Variants in PARP1 observed in about 807,000 individuals in gnomAD.
PARP1 encodes poly [ADP-ribose] polymerase 1.
In PARP1, 44 loss-of-function variants were observed where a neutral mutation model predicts 118.7. The ratio of observed to expected loss-of-function variants is 0.37; its 90% confidence interval spans 0.29 to 0.48. The LOEUF (loss-of-function observed/expected upper bound fraction) is 0.48. PARP1 is among the 20% of genes least tolerant of loss of function. The probability of loss-of-function intolerance (pLI) is 0.99; values close to 1 mark genes in which losing one functional copy is unlikely to be tolerated. For missense variants in PARP1, 1,100 were observed against 1,272.4 expected (o/e 0.86, Z 2.06); for synonymous variants, 492 against 483.2 (o/e 1.02, Z -0.24).
At chr1:226,361,720 A>G in intron 22 of PARP1, 179 bp from the exon 23 acceptor site, 2 of 678,596 alleles carry the variant, frequency 2.9e-6, no homozygotes, top group South Asian at 3.2e-5. Flanking sequence ...GCCAGCCTGA[A>G]AGTTACTCTA....
intron 2 of PARP1, among the ~76,000 whole-genome samples, chr1:226,394,151 C>T (rs1426055326): frequency 6.6e-6 from 1 of 152,186 alleles, no homozygotes; most frequent in African/African-American, 2.4e-5. Context: ...GAGTTCAAGA[C>T]CAGCCTGGGC....
chr1:226,407,444 G>A (rs1483578249), intron 1 of PARP1, among the ~76,000 whole-genome samples: 1 of 151,184 alleles, frequency 6.6e-6, no homozygotes, highest in Admixed American at 6.6e-5. Context: ...GAACAAGATA[G>A]GTCAAAATCA....
intron 4 of PARP1, among the ~76,000 whole-genome samples, chr1:226,389,860 G>A (rs1483127803): frequency 6.6e-6 from 1 of 152,118 alleles, no homozygotes. Flanking sequence ...ACCAGCAGAG[G>A]GTAAACTGGA....
chr1:226,386,019 A>G (rs1288643695), intron 6 of PARP1, among the ~76,000 whole-genome samples: 3 of 152,168 alleles, frequency 2.0e-5, no homozygotes, highest in Non-Finnish European at 4.4e-5. Context: ...GGGGACACTG[A>G]TGGGAAACCA....
chr1:226,379,318 G>A, intron 11 of PARP1, 44 bp from the exon 12 acceptor site: 1 of 1,613,048 alleles, frequency 6.2e-7, no homozygotes. Context: ...TCCCCTTGAG[G>A]TGCTAGCACT....
chr1:226,395,010 G>A (rs1051899141), intron 2 of PARP1, among the ~76,000 whole-genome samples: 3 of 151,870 alleles, frequency 2.0e-5, no homozygotes, highest in East Asian at 1.9e-4. Context: ...CATGAGAAGA[G>A]TAAATATCAA....
At position 226,390,503 on chromosome 1, in the gene PARP1, T is replaced by G; in HGVS notation, c.524A>C (p.Glu175Ala). The stretch of plus-strand genomic sequence containing the variant: ...GCCCTTGAGCTGACTCGCACTGTAC[T>G]CGGGCCGGAAACCCAGCTCCTCCCT... Reference protein sequence around the residue: ...KNREELGFRPEYSASQLKGFS... With the variant: ...KNREELGFRPAYSASQLKGFS... The change falls in exon 4 of 23, where the codon GAG becomes GCG. Residue 175 changes from glutamate to alanine, a missense_variant. This residue lies in a region of PARP1 where 948 missense variants were observed against 1,031.8 expected (regional missense o/e 0.92). Transcript: ENST00000366794. 6.2e-7 allele frequency: 1 copy of G among 1,614,182 alleles called. No homozygotes were observed. Among genetic ancestry groups the G allele is most frequent in the Non-Finnish European group, 8.5e-7 (1 of 1,180,028 alleles).
At chr1:226,365,856 A>T in intron 18 of PARP1, 98 bp downstream of exon 18, 1 of 776,782 alleles carries the variant, frequency 1.3e-6, no homozygotes, top group Non-Finnish European at 2.3e-6. Context: ...TATTTAAAGT[A>T]AATAAACTGC....
intron 5 of PARP1, 151 bp from the exon 6 acceptor site, chr1:226,386,593 A>G (rs950371001): frequency 4.1e-6 from 3 of 735,922 alleles, no homozygotes; most frequent in Non-Finnish European, 7.5e-6. Flanking sequence ...ACAGGATTTG[A>G]CTCCCAGTCA....
chr1:226,378,217 T>C (rs1193365377), intron 12 of PARP1, among the ~76,000 whole-genome samples: 1 of 151,662 alleles, frequency 6.6e-6, no homozygotes, highest in Non-Finnish European at 1.5e-5. Context: ...TTAGTAAGAG[T>C]TCCTTCCACA....
chr1:226,386,380 G>T lies in PARP1; in HGVS notation c.780C>A (p.Asp260Glu). Residue 260 changes from aspartate to glutamate, a missense_variant, in exon 6 of 23, where the codon GAC becomes GAA. By Grantham distance (45) the Asp-to-Glu change is conservative (BLOSUM62 2). Around this residue, in one of 2 missense-constraint regions of PARP1, gnomAD observed 948 missense variants for 1,031.8 expected, o/e 0.92. Coordinates refer to ENST00000366794, the MANE Select transcript of PARP1 (RefSeq NM_001618.4). ...TGTTGAAGATGAGTAGCTCCTTCAG[G>T]TCATTAGTTGAACACACTTTCTTTA... is the stretch of plus-strand genomic sequence containing the variant. The part of the protein sequence containing the change: ...DELKKVCSTN[D>E]LKELLIFNKQ... The T allele has an allele frequency of 6.2e-7, 1 of 1,614,036 alleles. No individual in the cohort carries two copies. The highest frequency in any genetic ancestry group is 1.7e-4 in the Middle Eastern group (1 of 6,060).
At chr1:226,367,666 C>T in intron 16 of PARP1, 58 bp from the exon 17 acceptor site, 2 of 1,604,782 alleles carry the variant, frequency 1.2e-6, no homozygotes, top group South Asian at 1.1e-5. Context: ...GACAGACTCA[C>T]CCAGGTGGCA....
Position 226,364,087 on chromosome 1 carries a change from G to A in PARP1, c.2659-17C>T. On this transcript the variant is annotated splice_polypyrimidine_tract_variant and intron_variant, in intron 19 of 22. Transcript: ENST00000366794. Reference sequence around the variant, plus strand: ...GTAGCCTGTCTGGAAGGTCGGAAAAGGGAGAGCTGAGAATCTTCTGATGGG... The same window carrying A: ...GTAGCCTGTCTGGAAGGTCGGAAAAAGGAGAGCTGAGAATCTTCTGATGGG... The A allele has an allele frequency of 6.2e-7, 1 of 1,613,500 alleles. No individual in the cohort carries two copies. The highest frequency in any genetic ancestry group is 1.3e-5 in the African/African-American group (1 of 75,038).
rs778130497 is a variant in PARP1, at chr1:226,402,322, C to T, written c.178G>A (p.Val60Met). 3.1e-6 allele frequency: 5 copies of T among 1,614,042 alleles called. 1 individual carries two copies. In the South Asian group the frequency reaches 5.5e-5, roughly 18 times the overall value. The change falls in exon 2 of 23, where the codon GTG becomes ATG. Residue 60 changes from valine to methionine, a missense_variant. Around this residue, in one of 2 missense-constraint regions of PARP1, gnomAD observed 948 missense variants for 1,031.8 expected, o/e 0.92. Coordinates refer to ENST00000366794, the MANE Select transcript of PARP1 (RefSeq NM_001618.4). ...HWYHFSCFWK[V>M]GHSIRHPDVE... Reference sequence around the variant, plus strand: ...TCAGGGTGCCGGATGGAGTGGCCCACCTTCCAGAAGCAGGAGAAGTGGTAC... The same window carrying T: ...TCAGGGTGCCGGATGGAGTGGCCCATCTTCCAGAAGCAGGAGAAGTGGTAC...
chr1:226,379,036 C>T, intron 12 of PARP1, 106 bp downstream of exon 12: 1 of 1,364,312 alleles, frequency 7.3e-7, no homozygotes, highest in South Asian at 1.2e-5. Flanking sequence ...GATTTCATTC[C>T]CCAGGCACTG....
intron 19 of PARP1, 33 bp downstream of exon 19, chr1:226,364,969 C>T (rs776726884): frequency 1.5e-5 from 24 of 1,611,538 alleles, no homozygotes; most frequent in Non-Finnish European, 2.0e-5. Context: ...CAGAGACAGG[C>T]ATTGCCCACC....
chr1:226,407,090 G>A (rs1665164077), intron 1 of PARP1, among the ~76,000 whole-genome samples: 1 of 152,136 alleles, frequency 6.6e-6, no homozygotes, highest in South Asian at 2.1e-4. Flanking sequence ...CCTCACAGAA[G>A]GCTCAGGAAA....
chr1:226,363,941 A>G lies in PARP1; in HGVS notation c.2786+2T>C. 1 of 1,613,764 alleles carries G rather than the reference A, an allele frequency of 6.2e-7. No individual in the cohort carries two copies. Among genetic ancestry groups the G allele is most frequent in the Non-Finnish European group, 8.5e-7 (1 of 1,179,918 alleles). Reference sequence around the variant, plus strand: ...ATCAGTCCCAGAGCCAGGTTTACTCACATGTTTCCAAGGGCAACTTCTCCC... The same window carrying G: ...ATCAGTCCCAGAGCCAGGTTTACTCGCATGTTTCCAAGGGCAACTTCTCCC... On this transcript the variant is annotated splice_donor_variant, in intron 20 of 22. Transcript: ENST00000366794. LOFTEE classifies it high-confidence loss of function.
chr1:226,384,459 A>G (rs1160877760), intron 7 of PARP1, among the ~76,000 whole-genome samples: 2 of 152,288 alleles, frequency 1.3e-5, no homozygotes, highest in Non-Finnish European at 2.9e-5. Context: ...GCACATGCAC[A>G]TAACCTTTAA....
Sources: allele counts gnomAD v4.1 joint callset (sites outside exome capture counted in the v4.1 genomes callset), GRCh38; gene constraint gnomAD v4.1.1; regional missense constraint gnomAD v4.1.1; transcripts MANE v1.5; gene names NCBI Gene and HGNC (gene_info 2026-07-23, HGNC 2026-07-21).